Variants in CDCA7L observed in about 807,000 individuals in gnomAD.
CDCA7L encodes the protein cell division cycle associated 7 like.
Under a neutral mutation model 57.4 loss-of-function variants are expected in CDCA7L, and 44 were observed. The observed-to-expected ratio is 0.77, with a 90% CI of 0.60 to 0.98. CDCA7L has a LOEUF of 0.98. CDCA7L is among the 50% of genes least tolerant of loss of function. The probability of loss-of-function intolerance (pLI) is 0.00; values close to 1 mark genes in which losing one functional copy is unlikely to be tolerated. For missense variants in CDCA7L, 644 were observed against 580.6 expected (o/e 1.11, Z -1.12); for synonymous variants, 236 against 202.8 (o/e 1.16, Z -1.39).
chr7:21,905,358 T>C (rs1354631872), intron 7 of CDCA7L, 148 bp downstream of exon 7: 2 of 808,700 alleles, frequency 2.5e-6, no homozygotes, highest in African/African-American at 3.4e-5. Flanking sequence ...CTTTCCCAGG[T>C]ACAGCTGACT....
chr7:21,921,508 A>G (rs1785651841), intron 1 of CDCA7L, among the ~76,000 whole-genome samples: 1 of 152,060 alleles, frequency 6.6e-6, no homozygotes, highest in South Asian at 2.1e-4. Flanking sequence ...ACAGTGATAC[A>G]TTAGGCCCAA....
chr7:21,903,111 A>C lies in CDCA7L; in HGVS notation c.1201T>G (p.Trp401Gly). 6.2e-7 allele frequency: 1 copy of C among 1,613,436 alleles called. No individual in the cohort carries two copies. The highest frequency in any genetic ancestry group is 8.5e-7 in the Non-Finnish European group (1 of 1,179,810). Residue 401 changes from tryptophan to glycine, a missense_variant, in exon 9 of 10, where the codon TGG becomes GGG. Trp to Gly is a radical substitution (Grantham distance 184). Transcript: ENST00000406877. ...DVRSALLDPD[W>G]VCPPCRGICN... Reference sequence around the variant, plus strand: ...ATCCCACGACAGGGGGGACACACCCAATCCTAACAGAGAGATGACAGCAGA... The same window carrying C: ...ATCCCACGACAGGGGGGACACACCCCATCCTAACAGAGAGATGACAGCAGA...
intron 1 of CDCA7L, among the ~76,000 whole-genome samples, chr7:21,926,029 A>T (rs1227671089): frequency 6.6e-6 from 1 of 152,158 alleles, no homozygotes; most frequent in African/African-American, 2.4e-5. Flanking sequence ...TAAGTCCAAG[A>T]GTTCAAGTTC....
chr7:21,941,203 TAATA>T (rs1786330039), intron 1 of CDCA7L, among the ~76,000 whole-genome samples: 1 of 152,108 alleles, frequency 6.6e-6, no homozygotes, highest in African/African-American at 2.4e-5. Flanking sequence ...TTATTTCCTC[TAATA>T]AAGAAAAAAA....
intron 3 of CDCA7L, 46 bp from the exon 4 acceptor site, chr7:21,908,553 C>T (rs1462125614): frequency 7.1e-7 from 1 of 1,413,428 alleles, no homozygotes; most frequent in African/African-American, 1.5e-5. Flanking sequence ...CTGTTACAGA[C>T]CCACAAAAAA....
In CDCA7L at chr7:21,903,019, G is replaced by A; in HGVS notation, c.1293C>T (p.Ala431=). 2 of 1,613,654 alleles carry A rather than the reference G, an allele frequency of 1.2e-6. No homozygotes were observed. The highest frequency in any genetic ancestry group is 1.7e-6 in the Non-Finnish European group (2 of 1,179,632). The part of the protein sequence containing the change: ...RCATGILIHL[A]KFYGYDNVKE... The stretch of plus-strand genomic sequence containing the variant: ...TAACATTGTCATAACCATAAAACTT[G>A]GCCAGATGAATGAGGATTCCTGTGG... The change falls in exon 9 of 10, where the codon GCC becomes GCT. Residue 431 remains alanine, a synonymous_variant. Transcript: ENST00000406877.
At position 21,905,584 on chromosome 7, in the gene CDCA7L, C is replaced by T. The variant is rs1785113540; in HGVS notation, c.969G>A (p.Arg323=). The T allele has an allele frequency of 6.2e-7, 1 of 1,613,984 alleles. No homozygotes were observed. The highest frequency in any genetic ancestry group is 8.5e-7 in the Non-Finnish European group (1 of 1,179,998). Residue 323 remains arginine, a synonymous_variant, in exon 7 of 10, where the codon CGG becomes CGA. Coordinates refer to ENST00000406877, the MANE Select transcript of CDCA7L (RefSeq NM_018719.5). ...YRRRHRISSF[R]PVEDITEEDL... is the part of the protein sequence containing the mutation. ...CCTCTTCGGTGATATCCTCCACTGG[C>T]CGAAAAGAAGATATACGGTGACGTC...
intron 2 of CDCA7L, among the ~76,000 whole-genome samples, chr7:21,912,821 T>A (rs1425254093): frequency 1.3e-5 from 2 of 152,208 alleles, no homozygotes; most frequent in East Asian, 3.9e-4. Flanking sequence ...GAAGGAAAGA[T>A]GCAATGTGAC....
In CDCA7L at chr7:21,945,849, GAGCCCGGACTCACC is replaced by G. The variant is rs1562641885; in HGVS notation, c.-59_-46del. 1 of 1,577,080 alleles carries G rather than the reference GAGCCCGGACTCACC, an allele frequency of 6.3e-7. No individual in the cohort carries two copies. Among genetic ancestry groups the G allele is most frequent in the Non-Finnish European group, 8.6e-7 (1 of 1,164,334 alleles). On this transcript the variant is annotated 5_prime_UTR_variant, in exon 1 of 10. Transcript: ENST00000406877. ...GTCTCCTCCCAGCACGCGGCCACGG[GAGCCCGGACTCACC>G]ACGGCCCGGCGCACCAAGAACGCCC... is the stretch of plus-strand genomic sequence containing the variant.
rs758446964 is a variant in CDCA7L, at chr7:21,903,027, G to A, written c.1285C>T (p.His429Tyr). 8 of 1,613,702 alleles carry A rather than the reference G, an allele frequency of 5.0e-6. No homozygotes were observed. Among genetic ancestry groups the A allele is most frequent in the East Asian group, 4.5e-5 (2 of 44,894 alleles). Reference protein sequence around the residue: ...DGRCATGILIHLAKFYGYDNV... With the variant: ...DGRCATGILIYLAKFYGYDNV... ...TCATAACCATAAAACTTGGCCAGAT[G>A]AATGAGGATTCCTGTGGCACAGCGG... Residue 429 changes from histidine to tyrosine, a missense_variant, in exon 9 of 10, where the codon CAT becomes TAT. Coordinates refer to ENST00000406877, the MANE Select transcript of CDCA7L (RefSeq NM_018719.5).
chr7:21,945,759 C>G, intron 1 of CDCA7L, 22 bp downstream of exon 1: 1 of 1,598,994 alleles, frequency 6.3e-7, no homozygotes, highest in Non-Finnish European at 8.5e-7. Flanking sequence ...GTCCGGACGG[C>G]GGCGGGCGGC....
intron 7 of CDCA7L, 100 bp from the exon 8 acceptor site, chr7:21,904,359 C>A: frequency 1.7e-6 from 2 of 1,183,008 alleles, no homozygotes; most frequent in Non-Finnish European, 1.2e-6. Context: ...GAAGAAATAC[C>A]CCCGTCTCCT....
intron 1 of CDCA7L, among the ~76,000 whole-genome samples, chr7:21,918,390 T>C (rs1383212095): frequency 6.6e-6 from 1 of 152,234 alleles, no homozygotes; most frequent in African/African-American, 2.4e-5. Flanking sequence ...TGTATCATCA[T>C]CAAATGTGCA....
At chr7:21,904,952 G>A (rs928312220) in intron 7 of CDCA7L, among the ~76,000 whole-genome samples, 2 of 152,210 alleles carry the variant, frequency 1.3e-5, no homozygotes, top group East Asian at 1.9e-4. Flanking sequence ...GCATCACCTC[G>A]GCCCCAGCCT....
chr7:21,914,500 A>G (rs1785423756), intron 2 of CDCA7L, among the ~76,000 whole-genome samples: 1 of 152,194 alleles, frequency 6.6e-6, no homozygotes, highest in South Asian at 2.1e-4. Flanking sequence ...GCATAACTGG[A>G]TGTGAGCCAC....
intron 1 of CDCA7L, among the ~76,000 whole-genome samples, chr7:21,933,044 GAA>G (rs900240047): frequency 2.0e-5 from 3 of 151,532 alleles, no homozygotes; most frequent in African/African-American, 7.3e-5. Context: ...ACAAACATAT[GAA>G]AAAAAGCTCA....
Position 21,902,229 on chromosome 7 carries a change from ACAACTGTAAAAAAATCTT to A in CDCA7L, c.*75_*92del. ...CTACAAAGAATTTCTGTATAAAAAC[ACAACTGTAAAAAAATCTT>A]TCTTAGGCACCAATGGTATGCATGT... On this transcript the variant is annotated 3_prime_UTR_variant, in exon 10 of 10. Transcript: ENST00000406877. 9.2e-7 allele frequency: 1 copy of A among 1,091,148 alleles called. No individual in the cohort carries two copies. Among genetic ancestry groups the A allele is most frequent in the East Asian group, 2.4e-5 (1 of 41,014 alleles). The allele number at this position is 1,091,148 out of a possible 1,614,324, so 67.6% of individuals were successfully genotyped here. A position where few individuals can be genotyped will look rare whatever the true frequency, so the allele number is the denominator to read the frequency against.
chr7:21,908,135 C>T lies in CDCA7L; in HGVS notation c.676G>A (p.Ala226Thr). 6.5e-7 allele frequency: 1 copy of T among 1,545,278 alleles called. No homozygotes were observed. Among genetic ancestry groups the T allele is most frequent in the Non-Finnish European group, 8.6e-7 (1 of 1,157,686 alleles). ...KRTMNIKENK[A>T]MLAQLLAELN... is the part of the protein sequence containing the mutation. ...CGCCCTCCGTGAAGCCTCACCATGGCTTTGTTCTCCTTGATGTTCATGGTC... is the reference window on the plus strand; with the variant it reads ...CGCCCTCCGTGAAGCCTCACCATGGTTTTGTTCTCCTTGATGTTCATGGTC... Residue 226 changes from alanine (A) to threonine (T), a missense_variant, in exon 4 of 10, where the codon GCC (alanine) becomes ACC (threonine). Physicochemically the swap from Ala to Thr is moderately conservative, Grantham distance 58. Transcript: ENST00000406877.
chr7:21,942,936 C>G (rs2128071953), intron 1 of CDCA7L, among the ~76,000 whole-genome samples: 1 of 152,316 alleles, frequency 6.6e-6, no homozygotes, highest in East Asian at 1.9e-4. Flanking sequence ...CCCTTTACCC[C>G]TTCAACAGCG....
Sources: gnomAD v4.1 joint callset for allele counts (sites outside exome capture counted in the v4.1 genomes callset) on GRCh38, gnomAD v4.1.1 for gene constraint, MANE v1.5 for transcripts, NCBI Gene and HGNC (gene_info 2026-07-23, HGNC 2026-07-21) for gene names.